LMOD3: variants seen among roughly 807,000 people sequenced by gnomAD.
LMOD3 encodes the protein leiomodin-3.
A neutral mutation model predicts 41.8 loss-of-function variants in LMOD3; 31 were observed. The observed-to-expected ratio is 0.74, with a 90% CI of 0.56 to 1.00. The LOEUF (loss-of-function observed/expected upper bound fraction) is 1.00. Among genes scored for constraint, LMOD3 ranks in the 50% least tolerant of loss-of-function variants. LMOD3 has a pLI of 0.00. For missense variants in LMOD3, 755 were observed against 679.5 expected (o/e 1.11, Z -1.23); for synonymous variants, 292 against 241.9 (o/e 1.21, Z -1.92).
At position 69,120,048 on chromosome 3, in the gene LMOD3, C is replaced by G; in HGVS notation, c.307G>C (p.Glu103Gln). Reference sequence around the variant, plus strand: ...CGTTTTTCTATTTCTTCATGCTCTTCTTGAGTCTTTTCCTACAAGAGAGGT... The same window carrying G: ...CGTTTTTCTATTTCTTCATGCTCTTGTTGAGTCTTTTCCTACAAGAGAGGT... ...TFVKSEEKTQ[E>Q]EHEEIEKRNK... is the part of the protein sequence containing the mutation. Residue 103 changes from glutamate (E) to glutamine (Q), a missense_variant, in exon 2 of 3, where the codon GAA becomes CAA. Glu to Gln is a conservative substitution (Grantham distance 29, BLOSUM62 2). Transcript: ENST00000420581. 3 of 1,597,140 alleles carry G rather than the reference C, an allele frequency of 1.9e-6. No individual in the cohort carries two copies.
chr3:69,122,248 T>TG lies in LMOD3; in HGVS notation c.138dup (p.Ser47GlnfsTer13), dbSNP rs727502797. Reference sequence around the variant, plus strand: ...TTCTGAATCATTCCCACGGGAAGGCTGGGGTCAGGGGCCATGACTTCCATT... The same window carrying TG: ...TTCTGAATCATTCCCACGGGAAGGCTGGGGGTCAGGGGCCATGACTTCCATT... On this transcript the variant is annotated frameshift_variant, in exon 1 of 3. Coordinates refer to ENST00000420581, the MANE Select transcript of LMOD3 (RefSeq NM_198271.5). LOFTEE classifies it high-confidence loss of function. 7 of 1,613,744 alleles carry TG rather than the reference T, an allele frequency of 4.3e-6. No homozygotes were observed. Among genetic ancestry groups the TG allele is most frequent in the Middle Eastern group, 1.6e-4 (1 of 6,062 alleles).
At chr3:69,115,120 G>A (rs551721026) in intron 2 of LMOD3, among the ~76,000 whole-genome samples, 29 of 152,110 alleles carry the variant, frequency 1.9e-4, no homozygotes, top group African/African-American at 7.0e-4. Context: ...CAATCCTTCT[G>A]CCTTGGCCTC....
chr3:69,118,112 G>C (rs141717044), intron 2 of LMOD3, among the ~76,000 whole-genome samples: 10 of 152,322 alleles, frequency 6.6e-5, no homozygotes, highest in African/African-American at 2.4e-4. Context: ...TTACAGGCGT[G>C]AGCCAATGCG....
chr3:69,110,852 A>T (rs892157580), intron 2 of LMOD3, among the ~76,000 whole-genome samples: 2 of 132,684 alleles, frequency 1.5e-5, no homozygotes, highest in Admixed American at 7.2e-5. Flanking sequence ...AAAAAAAAAA[A>T]AATATATATA....
Position 69,108,467 on chromosome 3 carries a change from T to C in LMOD3, c.*628A>G, listed in dbSNP as rs1352972566. On this transcript the variant is annotated 3_prime_UTR_variant, in exon 3 of 3. Coordinates refer to ENST00000420581, the MANE Select transcript of LMOD3 (RefSeq NM_198271.5). ...GCTTACGTGTTCTGCCCCTCACAGG[T>C]ACCCCTATAGAAAGAATACTCCAAA... The C allele has an allele frequency of 6.6e-6, 1 of 152,134 alleles. No individual in the cohort carries two copies. Among genetic ancestry groups the C allele is most frequent in the Non-Finnish European group, 1.5e-5 (1 of 68,036 alleles). The allele number at this position is 152,134 out of a possible 1,614,324, so 9.4% of individuals were successfully genotyped here.
Position 69,119,992 on chromosome 3 carries a change from T to C in LMOD3, c.363A>G (p.Glu121=), listed in dbSNP as rs2107526925. 1 of 1,606,226 alleles carries C rather than the reference T, an allele frequency of 6.2e-7. No homozygotes were observed. The highest frequency in any genetic ancestry group is 2.2e-5 in the East Asian group (1 of 44,732). The change falls in exon 2 of 3, where the codon GAA becomes GAG. Residue 121 remains glutamate, a synonymous_variant. Transcript: ENST00000420581. The part of the protein sequence containing the change: ...RNKNMAQYLK[E]KLNNEIVANK... ...TTGCAACTATTTCATTATTGAGCTTTTCTTTTAAATACTGGGCCATATTTT... is the reference window on the plus strand; with the variant it reads ...TTGCAACTATTTCATTATTGAGCTTCTCTTTTAAATACTGGGCCATATTTT...
chr3:69,117,902 G>A (rs931454854), intron 2 of LMOD3, among the ~76,000 whole-genome samples: 2 of 146,962 alleles, frequency 1.4e-5, no homozygotes, highest in African/African-American at 2.5e-5. Flanking sequence ...TGCAATCTCC[G>A]CTCACTGCAC....
At chr3:69,111,213 C>T (rs1358183479) in intron 2 of LMOD3, among the ~76,000 whole-genome samples, 3 of 152,154 alleles carry the variant, frequency 2.0e-5, no homozygotes, top group Admixed American at 1.3e-4. Context: ...TCTCAGCCCA[C>T]GATCTTTGGC....
intron 2 of LMOD3, among the ~76,000 whole-genome samples, chr3:69,115,938 T>A (rs575633838): frequency 6.6e-6 from 1 of 152,310 alleles, no homozygotes; most frequent in South Asian, 2.1e-4. Context: ...CATTGAGTCA[T>A]GTGCCCTGTT....
intron 2 of LMOD3, among the ~76,000 whole-genome samples, chr3:69,111,358 G>A (rs928691244): frequency 2.0e-5 from 3 of 152,178 alleles, no homozygotes; most frequent in African/African-American, 7.2e-5. Context: ...AGAAGAGAGG[G>A]GTATGACTGC....
Position 69,119,474 on chromosome 3 carries a change from G to C in LMOD3, c.881C>G (p.Ala294Gly). The stretch of plus-strand genomic sequence containing the variant: ...CAAGGCAAATGCTACATTCTCATCT[G>C]CACCCACATTGGCTAAACTGAATGT... ...IKTFSLANVG[A>G]DENVAFALAN... The change falls in exon 2 of 3, where the codon GCA becomes GGA. Residue 294 changes from alanine (A) to glycine (G), a missense_variant. Coordinates refer to ENST00000420581, the MANE Select transcript of LMOD3 (RefSeq NM_198271.5). The C allele has an allele frequency of 1.9e-6, 3 of 1,613,976 alleles. No homozygotes were observed. Among genetic ancestry groups the C allele is most frequent in the African/African-American group, 1.3e-5 (1 of 75,062 alleles).
At position 69,122,440 on chromosome 3, in the gene LMOD3, T is replaced by C; in HGVS notation, c.-54A>G. 1.5e-5 allele frequency: 20 copies of C among 1,351,866 alleles called. No individual in the cohort carries two copies. The highest frequency in any genetic ancestry group is 1.9e-5 in the Non-Finnish European group (19 of 1,001,892). 83.7% of individuals were successfully genotyped at this position (1,351,866 alleles called of 1,614,324 possible). ...AAAGAAGAATAATCAAAGATGATTTTTAAAAAGAAGGAAAAAAGCCTCAAG... is the reference window on the plus strand; with the variant it reads ...AAAGAAGAATAATCAAAGATGATTTCTAAAAAGAAGGAAAAAAGCCTCAAG... On this transcript the variant is annotated 5_prime_UTR_variant, in exon 1 of 3. Transcript: ENST00000420581.
chr3:69,119,460 C>G lies in LMOD3; in HGVS notation c.895G>C (p.Ala299Pro). ...LANVGADENV[A>P]FALANMLREN... ...CGCAACATGTTAGCCAAGGCAAATG[C>G]TACATTCTCATCTGCACCCACATTG... Residue 299 changes from alanine (A) to proline (P), a missense_variant, in exon 2 of 3, where the codon GCA becomes CCA. Transcript: ENST00000420581. 6.2e-7 allele frequency: 1 copy of G among 1,613,986 alleles called. No homozygotes were observed. The highest frequency in any genetic ancestry group is 8.5e-7 in the Non-Finnish European group (1 of 1,179,868).
rs1216423581 is a variant in LMOD3 at position 69,122,341 on chromosome 3, C to T, written c.46G>A (p.Glu16Lys). ...RNSDQEELLD[E>K]EINEDEILAN... is the part of the protein sequence containing the mutation. ...AAGATTTCATCTTCATTAATCTCCTCATCGAGAAGTTCTTCTTGATCTGAA... is the reference window on the plus strand; with the variant it reads ...AAGATTTCATCTTCATTAATCTCCTTATCGAGAAGTTCTTCTTGATCTGAA... The change falls in exon 1 of 3, where the codon GAG becomes AAG. Residue 16 changes from glutamate (E) to lysine (K), a missense_variant. Physicochemically the swap from Glu to Lys is moderately conservative, Grantham distance 56 (BLOSUM62 1). Transcript: ENST00000420581. The T allele has an allele frequency of 6.2e-7, 1 of 1,612,434 alleles. No individual in the cohort carries two copies. The highest frequency in any genetic ancestry group is 8.5e-7 in the Non-Finnish European group (1 of 1,178,974).
At chr3:69,113,135 G>A (rs1051704177) in intron 2 of LMOD3, among the ~76,000 whole-genome samples, 17 of 152,178 alleles carry the variant, frequency 1.1e-4, no homozygotes, top group African/African-American at 4.1e-4. Context: ...AGGAGGGGTC[G>A]AAGGAAGAAA....
rs142823320 is a variant in LMOD3 at position 69,115,542 on chromosome 3, G to A, written c.1656+3157C>T. Among the ~76,000 whole-genome samples, 471 of 151,042 alleles carry A rather than the reference G, an allele frequency of 3.1e-3. 1 individual carries two copies. The highest frequency in any genetic ancestry group is 2.3e-3 in the Non-Finnish European group (154 of 67,884). On this transcript the variant is annotated intron_variant, in intron 2 of 2. Transcript: ENST00000420581. ...CAAAACTTTTCTAAGAAAAAAATTT[G>A]TTTCTGAATAATGTTCTCTTTAGTA...
rs1249525919 is a variant in LMOD3, at chr3:69,106,980, T to C, written c.*2115A>G. ...ACCTCGGCCGCCTACAGTGCTGGGATTACAGGCATGAGCCACCGCACCGGC... is the reference window on the plus strand; with the variant it reads ...ACCTCGGCCGCCTACAGTGCTGGGACTACAGGCATGAGCCACCGCACCGGC... On this transcript the variant is annotated 3_prime_UTR_variant, in exon 3 of 3. Coordinates refer to ENST00000420581, the MANE Select transcript of LMOD3 (RefSeq NM_198271.5). 1 of 151,362 alleles carries C rather than the reference T, an allele frequency of 6.6e-6. No homozygotes were observed. Among genetic ancestry groups the C allele is most frequent in the Non-Finnish European group, 1.5e-5 (1 of 67,900 alleles). 9.4% of individuals were successfully genotyped at this position (151,362 alleles called of 1,614,324 possible).
At chr3:69,121,380 G>A (rs2092406749) in intron 1 of LMOD3, among the ~76,000 whole-genome samples, 1 of 152,048 alleles carries the variant, frequency 6.6e-6, no homozygotes, top group Non-Finnish European at 1.5e-5. Context: ...AACCTAAAGA[G>A]ACTTTACCTA....
Position 69,107,293 on chromosome 3 carries a change from G to C in LMOD3, c.*1802C>G, listed in dbSNP as rs1395516863. On this transcript the variant is annotated 3_prime_UTR_variant, in exon 3 of 3. Transcript: ENST00000420581. Reference sequence around the variant, plus strand: ...ACGCCATATTTCTTTCCCATGGCTTGTCTTTCCAAATAATGTGTTGTTTTT... The same window carrying C: ...ACGCCATATTTCTTTCCCATGGCTTCTCTTTCCAAATAATGTGTTGTTTTT... The C allele has an allele frequency of 6.6e-6, 1 of 151,772 alleles. No individual in the cohort carries two copies. The highest frequency in any genetic ancestry group is 1.5e-5 in the Non-Finnish European group (1 of 67,944). The allele number at this position is 151,772 out of a possible 1,614,324, so 9.4% of individuals were successfully genotyped here. A position where few individuals can be genotyped will look rare whatever the true frequency, so the allele number is the denominator to read the frequency against.
Sources: allele counts gnomAD v4.1 joint callset (sites outside exome capture counted in the v4.1 genomes callset), GRCh38; gene constraint gnomAD v4.1.1; transcripts MANE v1.5; gene names NCBI Gene and HGNC (gene_info 2026-07-23, HGNC 2026-07-21).